Variants in IL22 observed in about 807,000 individuals in gnomAD.
IL22 encodes the protein interleukin 22.
In IL22, 15 loss-of-function variants were observed where a neutral mutation model predicts 15.5. That is an observed-to-expected ratio of 0.97 (90% CI 0.65 to 1.49). The LOEUF is 1.49. IL22 is among the 40% of genes most tolerant of loss of function. IL22 has a pLI of 0.00. For synonymous variants in IL22, 91 were observed against 82.0 expected (o/e 1.11, Z -0.60); for missense variants, 225 against 215.4 (o/e 1.04, Z -0.28).
chr12:68,253,264 T>G lies in IL22; in HGVS notation c.185A>C (p.Glu62Ala). The G allele has an allele frequency of 6.2e-7, 1 of 1,612,512 alleles. No individual in the cohort carries two copies. The highest frequency in any genetic ancestry group is 8.5e-7 in the Non-Finnish European group (1 of 1,179,060). Residue 62 changes from glutamate to alanine, a missense_variant and splice_region_variant, in exon 2 of 6, where the codon GAG becomes GCG. Glu to Ala is a moderately radical substitution (Grantham distance 107). Transcript: ENST00000538666. ...AAAGAGCAGGATTGAGATGTATACC[T>G]CCTTAGCCAGCATGAAGGTGCGGTT... The part of the protein sequence containing the change: ...ITNRTFMLAK[E>A]ASLADNNTDV...
At chr12:68,253,555 A>C in intron 1 of IL22, 28 bp downstream of exon 1, 2 of 850,276 alleles carry the variant, frequency 2.4e-6, no homozygotes, top group African/African-American at 1.7e-5. Flanking sequence ...AAACTAACCA[A>C]TTGTACCAAG....
intron 5 of IL22, among the ~76,000 whole-genome samples, chr12:68,250,947 T>C (rs1565747638): frequency 6.6e-6 from 1 of 152,242 alleles, no homozygotes; most frequent in Non-Finnish European, 1.5e-5. Context: ...GATATTATGA[T>C]AATTCAAAAT....
chr12:68,252,723 A>G (rs745853056), intron 3 of IL22, 41 bp downstream of exon 3: 12 of 1,611,958 alleles, frequency 7.4e-6, no homozygotes, highest in Middle Eastern at 1.6e-4. Flanking sequence ...CCAAGTACCC[A>G]TGGACGGCAC....
intron 4 of IL22, 34 bp from the exon 5 acceptor site, chr12:68,251,612 G>C: frequency 6.6e-7 from 1 of 1,513,538 alleles, no homozygotes; most frequent in Non-Finnish European, 9.2e-7. Context: ...CTATCTTAAT[G>C]TTGTGCTGAA....
intron 5 of IL22, among the ~76,000 whole-genome samples, chr12:68,250,583 G>A (rs1047233057): frequency 4.6e-5 from 7 of 152,302 alleles, no homozygotes; most frequent in South Asian, 2.1e-4. Flanking sequence ...TTGCAAGAGC[G>A]TCACTTTCAC....
rs776549743 is a variant in IL22 at position 68,252,828 on chromosome 12, G to T, written c.188C>A (p.Ala63Asp). 5.6e-6 allele frequency: 9 copies of T among 1,613,542 alleles called. No individual in the cohort carries two copies. The Admixed American group carries it at 1.3e-4, about 24-fold the overall frequency. ...TNRTFMLAKE[A>D]SLADNNTDVR... is the part of the protein sequence containing the mutation. Reference sequence around the variant, plus strand: ...GTCTGTGTTGTTATCAGCCAAGCTAGCCTGGAAGAGAAGAAAAGACTAAGG... The same window carrying T: ...GTCTGTGTTGTTATCAGCCAAGCTATCCTGGAAGAGAAGAAAAGACTAAGG... Residue 63 changes from alanine (A) to aspartate (D), a missense_variant and splice_region_variant, in exon 3 of 6, where the codon GCT becomes GAT. Physicochemically the swap from Ala to Asp is moderately radical, Grantham distance 126 (BLOSUM62 -2). Transcript: ENST00000538666.
At chr12:68,250,926 A>G (rs1310097494) in intron 5 of IL22, among the ~76,000 whole-genome samples, 3 of 152,222 alleles carry the variant, frequency 2.0e-5, no homozygotes, top group Non-Finnish European at 4.4e-5. Flanking sequence ...AACTATAATC[A>G]ATATCTGATA....
chr12:68,248,298 T>C lies in IL22; in HGVS notation c.*501A>G, dbSNP rs1260115452. 1 of 152,284 alleles carries C rather than the reference T, an allele frequency of 6.6e-6. No homozygotes were observed. The highest frequency in any genetic ancestry group is 1.9e-4 in the East Asian group (1 of 5,338). The allele number at this position is 152,284 out of a possible 1,614,324, so 9.4% of individuals were successfully genotyped here. Reference sequence around the variant, plus strand: ...TAAACATGTTATAGCTCTATAATTATTGTCATAAATATCAATATTAGCCTT... The same window carrying C: ...TAAACATGTTATAGCTCTATAATTACTGTCATAAATATCAATATTAGCCTT... On this transcript the variant is annotated 3_prime_UTR_variant, in exon 6 of 6. Transcript: ENST00000538666.
intron 5 of IL22, 21 bp downstream of exon 5, chr12:68,251,492 A>G (rs1416222255): frequency 1.3e-6 from 2 of 1,557,818 alleles, no homozygotes; most frequent in Non-Finnish European, 1.8e-6. Flanking sequence ...ATGACTTAGC[A>G]TTGACAGTTA....
chr12:68,251,385 A>G lies in IL22; in HGVS notation c.462+128T>C, dbSNP rs931589665. On this transcript the variant is annotated intron_variant, in intron 5 of 5. Coordinates refer to ENST00000538666, the MANE Select transcript of IL22 (RefSeq NM_020525.5). Reference sequence around the variant, plus strand: ...AGATATATCTACATACACAGACACCAAAGTAATCGCCCTGGTGGTAGGAGA... The same window carrying G: ...AGATATATCTACATACACAGACACCGAAGTAATCGCCCTGGTGGTAGGAGA... The G allele has an allele frequency of 1.3e-5, 9 of 718,418 alleles. No homozygotes were observed. The African/African-American group carries it at 1.6e-4, about 13-fold the overall frequency. The allele number at this position is 718,418 out of a possible 1,614,324, so 44.5% of individuals were successfully genotyped here. A position where few individuals can be genotyped will look rare whatever the true frequency, so the allele number is the denominator to read the frequency against.
intron 2 of IL22, 138 bp downstream of exon 2, chr12:68,253,125 G>GA (rs955757570): frequency 1.7e-5 from 12 of 722,216 alleles, no homozygotes; most frequent in Admixed American, 7.3e-5. Context: ...AAGAGTCTCT[G>GA]AAAAAACAGA....
chr12:68,253,068 A>G (rs1208504178), intron 2 of IL22, among the ~76,000 whole-genome samples, 195 bp downstream of exon 2: 3 of 143,416 alleles, frequency 2.1e-5, no homozygotes, highest in Non-Finnish European at 3.0e-5. Flanking sequence ...CATAAAGGCC[A>G]AAATGGAAGG....
intron 5 of IL22, among the ~76,000 whole-genome samples, chr12:68,249,568 A>G (rs1047950910): frequency 2.0e-5 from 3 of 152,198 alleles, no homozygotes; most frequent in African/African-American, 7.2e-5. Flanking sequence ...GACAAACAGT[A>G]AAAGAAAAGT....
chr12:68,253,257 G>A lies in IL22; in HGVS notation c.186+6C>T, dbSNP rs1870003200. On this transcript the variant is annotated splice_donor_region_variant and intron_variant, in intron 2 of 5. Transcript: ENST00000538666. ...CAACGAGAAAGAGCAGGATTGAGAT[G>A]TATACCTCCTTAGCCAGCATGAAGG... 6.2e-7 allele frequency: 1 copy of A among 1,610,456 alleles called. No homozygotes were observed. Among genetic ancestry groups the A allele is most frequent in the South Asian group, 1.1e-5 (1 of 90,674 alleles).
intron 5 of IL22, among the ~76,000 whole-genome samples, chr12:68,250,003 C>G (rs970766448): frequency 6.6e-6 from 1 of 152,248 alleles, no homozygotes; most frequent in African/African-American, 2.4e-5. Flanking sequence ...GCTTTTACCC[C>G]CAACGAGAGG....
chr12:68,250,889 G>A (rs1869905335), intron 5 of IL22, among the ~76,000 whole-genome samples: 1 of 152,162 alleles, frequency 6.6e-6, no homozygotes, highest in Non-Finnish European at 1.5e-5. Flanking sequence ...GTATAAAAGA[G>A]ATCGGGGTTG....
In IL22 at chr12:68,251,594, A is replaced by C. The variant is rs1400785804; in HGVS notation, c.397-16T>G. 6.3e-7 allele frequency: 1 copy of C among 1,579,966 alleles called. No homozygotes were observed. Among genetic ancestry groups the C allele is most frequent in the South Asian group, 1.1e-5 (1 of 90,328 alleles). On this transcript the variant is annotated splice_polypyrimidine_tract_variant and intron_variant, in intron 4 of 5. Coordinates refer to ENST00000538666, the MANE Select transcript of IL22 (RefSeq NM_020525.5). ...CTTCAATATGCTATAAAACAATAAC[A>C]AGCATAACTATCTTAATGTTGTGCT...
At position 68,253,276 on chromosome 12, in the gene IL22, A is replaced by G. The variant is rs1840443696; in HGVS notation, c.173T>C (p.Met58Thr). ...QQPYITNRTF[M>T]LAKEASLADN... Reference sequence around the variant, plus strand: ...TGAGATGTATACCTCCTTAGCCAGCATGAAGGTGCGGTTGGTGATATAGGG... The same window carrying G: ...TGAGATGTATACCTCCTTAGCCAGCGTGAAGGTGCGGTTGGTGATATAGGG... The change falls in exon 2 of 6, where the codon ATG becomes ACG. Residue 58 changes from methionine (M) to threonine (T), a missense_variant. Physicochemically the swap from Met to Thr is moderately conservative, Grantham distance 81 (BLOSUM62 -1). Coordinates refer to ENST00000538666, the MANE Select transcript of IL22 (RefSeq NM_020525.5). The G allele has an allele frequency of 1.9e-6, 3 of 1,613,460 alleles. No individual in the cohort carries two copies. The Admixed American group carries it at 5.0e-5, about 27-fold the overall frequency.
intron 4 of IL22, among the ~76,000 whole-genome samples, chr12:68,251,849 T>G (rs1171172890): frequency 6.6e-6 from 1 of 152,190 alleles, no homozygotes; most frequent in Admixed American, 6.5e-5. Context: ...GAGTAGTTTA[T>G]GCAAATTCTG....
Sources: allele counts gnomAD v4.1 joint callset (sites outside exome capture counted in the v4.1 genomes callset), GRCh38; gene constraint gnomAD v4.1.1; transcripts MANE v1.5; gene names NCBI Gene and HGNC (gene_info 2026-07-23, HGNC 2026-07-21).